Variants in CDH18 observed in about 807,000 individuals in gnomAD.
CDH18 encodes cadherin 18.
In CDH18, 31 loss-of-function variants were observed where a neutral mutation model predicts 67.9. The ratio of observed to expected loss-of-function variants is 0.46; its 90% CI spans 0.34 to 0.62. The LOEUF (loss-of-function observed/expected upper bound fraction) is 0.62, where lower values mean the gene tolerates loss of function less well. Among genes scored for constraint, CDH18 ranks in the 20% least tolerant of loss-of-function variants. The pLI is 0.01. For missense variants in CDH18, 890 were observed against 975.5 expected (o/e 0.91, Z 1.17); for synonymous variants, 362 against 347.2 (o/e 1.04, Z -0.48).
At chr5:19,974,136 A>C (rs1377062598) in intron 2 of CDH18, among the ~76,000 whole-genome samples, 1 of 152,106 alleles carries the variant, frequency 6.6e-6, no homozygotes, top group African/African-American at 2.4e-5. Context: ...TAGGAGGTAT[A>C]AGGGTGACAA....
At chr5:20,222,251 T>C (rs556575023) in intron 2 of CDH18, among the ~76,000 whole-genome samples, 1 of 152,270 alleles carries the variant, frequency 6.6e-6, no homozygotes, top group African/African-American at 2.4e-5. Context: ...AATGTCACTG[T>C]TTAAACAAAA....
chr5:20,564,124 A>C (rs1183476561), intron 1 of CDH18, among the ~76,000 whole-genome samples: 1 of 151,982 alleles, frequency 6.6e-6, no homozygotes, highest in Non-Finnish European at 1.5e-5. Flanking sequence ...CGGTTCACCT[A>C]TCTCTCCAGG....
Position 19,473,156 on chromosome 5 carries a change from T to C in CDH18, c.*70A>G. On this transcript the variant is annotated 3_prime_UTR_variant, in exon 13 of 13. Coordinates refer to ENST00000382275, the MANE Select transcript of CDH18 (RefSeq NM_004934.5). ...CAAGTACTGTTTCCACACTTCTTCC[T>C]TGTCATTGCTGAGGTTGTATATCCA... 2 of 1,553,626 alleles carry C rather than the reference T, an allele frequency of 1.3e-6. No individual in the cohort carries two copies. Among genetic ancestry groups the C allele is most frequent in the Admixed American group, 1.9e-5 (1 of 53,946 alleles).
intron 1 of CDH18, among the ~76,000 whole-genome samples, chr5:20,337,061 C>T (rs1171681108): frequency 2.0e-5 from 3 of 152,190 alleles, no homozygotes; most frequent in Non-Finnish European, 4.4e-5. Context: ...ATAAAAGAGG[C>T]TGAACTCAGC....
At chr5:19,752,164 C>T (rs62353611) in intron 3 of CDH18, among the ~76,000 whole-genome samples, 2,074 of 152,270 alleles carry the variant, frequency 0.014, 24 homozygotes, top group Non-Finnish European at 0.022. Context: ...GTAGAGGAAG[C>T]AGTGTCCATT....
intron 2 of CDH18, among the ~76,000 whole-genome samples, chr5:20,240,143 C>A (rs565880939): frequency 1.1e-3 from 166 of 151,296 alleles, no homozygotes; most frequent in African/African-American, 3.8e-3. Context: ...GCACATGTAC[C>A]CTAGAACTTA....
chr5:20,459,801 T>C (rs1272895056), intron 1 of CDH18, among the ~76,000 whole-genome samples: 2 of 152,182 alleles, frequency 1.3e-5, no homozygotes, highest in Non-Finnish European at 2.9e-5. Context: ...GAGAGTTAAT[T>C]ACCTTTCCTC....
intron 2 of CDH18, among the ~76,000 whole-genome samples, chr5:20,012,321 CT>C (rs748288612): frequency 1.6e-5 from 2 of 122,058 alleles, no homozygotes. Flanking sequence ...AATCTTCTCT[CT>C]TTTTTCTTTA....
chr5:20,522,830 C>T (rs1395349309), intron 1 of CDH18, among the ~76,000 whole-genome samples: 1 of 152,168 alleles, frequency 6.6e-6, no homozygotes, highest in Non-Finnish European at 1.5e-5. Flanking sequence ...TATGCGCACG[C>T]ACTTGTAATT....
intron 2 of CDH18, among the ~76,000 whole-genome samples, chr5:20,015,134 A>T (rs574118952): frequency 7.9e-5 from 12 of 152,254 alleles, no homozygotes; most frequent in African/African-American, 2.9e-4. Context: ...TGCATGGTAG[A>T]TTTGCGTGCC....
chr5:20,491,195 T>TTTA (rs56678208), intron 1 of CDH18, among the ~76,000 whole-genome samples: 5,237 of 149,870 alleles, frequency 0.035, 258 homozygotes, highest in African/African-American at 0.12. Context: ...TAGTATTTGG[T>TTTA]TTATTATTAT....
At chr5:20,555,408 CTTTTTTTTTTTTTTTTT>C (rs774396694) in intron 1 of CDH18, among the ~76,000 whole-genome samples, 29 of 103,654 alleles carry the variant, frequency 2.8e-4, no homozygotes, top group South Asian at 6.0e-4. Flanking sequence ...ACAAGCTTTT[CTTTTTTTTTTTTTTTTT>C]TTTTTTTTTT....
chr5:19,760,943 T>G (rs1273204922), intron 3 of CDH18, among the ~76,000 whole-genome samples: 1 of 152,136 alleles, frequency 6.6e-6, no homozygotes, highest in Non-Finnish European at 1.5e-5. Context: ...ATGTCGCCAC[T>G]ACTGGGGATG....
At chr5:20,235,252 T>G (rs772163881) in intron 2 of CDH18, among the ~76,000 whole-genome samples, 20 of 152,078 alleles carry the variant, frequency 1.3e-4, no homozygotes, top group Non-Finnish European at 2.6e-4. Flanking sequence ...TCAAAAGCAA[T>G]TGCAACAAAA....
At chr5:19,623,166 A>C (rs1315305531) in intron 5 of CDH18, among the ~76,000 whole-genome samples, 1 of 152,346 alleles carries the variant, frequency 6.6e-6, no homozygotes, top group East Asian at 1.9e-4. Flanking sequence ...CATTGTAAGC[A>C]TATTTCATGA....
intron 2 of CDH18, among the ~76,000 whole-genome samples, chr5:20,211,066 G>C (rs963827489): frequency 6.6e-6 from 1 of 152,032 alleles, no homozygotes; most frequent in Non-Finnish European, 1.5e-5. Context: ...CCACAATAAA[G>C]CAAATGTATC....
chr5:20,217,996 C>A (rs1430936937), intron 2 of CDH18, among the ~76,000 whole-genome samples: 1 of 151,444 alleles, frequency 6.6e-6, no homozygotes, highest in Admixed American at 6.6e-5. Flanking sequence ...ATATATGTAC[C>A]CCACACTGAA....
intron 2 of CDH18, among the ~76,000 whole-genome samples, chr5:19,925,282 G>A (rs943675874): frequency 1.3e-5 from 2 of 152,108 alleles, no homozygotes; most frequent in Non-Finnish European, 2.9e-5. Context: ...AGATTTTATT[G>A]TAATGTGAGT....
intron 5 of CDH18, among the ~76,000 whole-genome samples, chr5:19,628,368 T>C (rs1246341723): frequency 1.3e-5 from 2 of 152,156 alleles, no homozygotes; most frequent in Non-Finnish European, 1.5e-5. Context: ...ACAAGTGACA[T>C]GATTTTATAT....
Sources: gnomAD v4.1 joint callset for allele counts (sites outside exome capture counted in the v4.1 genomes callset) on GRCh38, gnomAD v4.1.1 for gene constraint, MANE v1.5 for transcripts, NCBI Gene and HGNC (gene_info 2026-07-23, HGNC 2026-07-21) for gene names.